The following HECW1 variants were observed in gnomAD, a reference collection of about 807,000 sequenced individuals.
The protein encoded by HECW1 is HECT, C2 and WW domain containing E3 ubiquitin protein ligase 1, also known as E3 ubiquitin-protein ligase HECW1.
HECW1 carries 61 observed loss-of-function variants against 182.3 expected under a neutral mutation model. The ratio of observed to expected loss-of-function variants is 0.33; its 90% CI spans 0.27 to 0.41. The LOEUF (loss-of-function observed/expected upper bound fraction) is 0.41, where lower values mean the gene tolerates loss of function less well. HECW1 is among the 10% of genes least tolerant of loss of function. HECW1 has a pLI of 1.00. For missense variants in HECW1, 1,739 were observed against 2,108.9 expected, an observed-to-expected ratio of 0.82 and a Z score of 3.44; for synonymous variants, 859 against 832.6, an observed-to-expected ratio of 1.03 and a Z score of -0.55.
chr7:43,209,642 T>C (rs1035178035), intron 2 of HECW1, among the ~76,000 whole-genome samples: 4 of 152,160 alleles, frequency 2.6e-5, no homozygotes, highest in African/African-American at 9.7e-5. Context: ...AGGCTACAAC[T>C]GGGTAAGATT....
rs138853859 is a variant in HECW1, at chr7:43,121,557, A to G, written c.-32+7166A>G. ...GATATGTAAACATATAGTGATATGT[A>G]AAATCACTATATTATACATATAGTG... On this transcript the variant is annotated intron_variant, in intron 2 of 29. Coordinates refer to ENST00000395891, the MANE Select transcript of HECW1 (RefSeq NM_015052.5). Among the ~76,000 whole-genome samples, 1,066 of 152,278 alleles carry G rather than the reference A, an allele frequency of 7.0e-3. 3 individuals carry two copies. Among genetic ancestry groups the G allele is most frequent in the Non-Finnish European group, 0.012 (811 of 68,012 alleles).
rs1199371532 is a variant in HECW1 at position 43,562,830 on chromosome 7, ATTACC to A, written c.*907_*911del. 1.4e-5 allele frequency: 3 copies of A among 217,360 alleles called. No homozygotes were observed. The highest frequency in any genetic ancestry group is 2.8e-5 in the Non-Finnish European group (3 of 108,176). The allele number at this position is 217,360 out of a possible 1,614,324, so 13.5% of individuals were successfully genotyped here. Reference sequence around the variant, plus strand: ...AACTGGAGAAAGGGAAGAAGGACATATTACCTTGGTTTGAATCCCTGAGTTCTGTA... The same window carrying A: ...AACTGGAGAAAGGGAAGAAGGACATATTGGTTTGAATCCCTGAGTTCTGTA... On this transcript the variant is annotated 3_prime_UTR_variant, in exon 30 of 30. Transcript: ENST00000395891.
At chr7:43,322,807 A>G (rs1810304891) in intron 5 of HECW1, among the ~76,000 whole-genome samples, 1 of 152,216 alleles carries the variant, frequency 6.6e-6, no homozygotes, top group African/African-American at 2.4e-5. Flanking sequence ...GTTTGGTAAG[A>G]GAGGTTTTTC....
intron 2 of HECW1, among the ~76,000 whole-genome samples, chr7:43,203,846 A>C (rs145740867): frequency 3.3e-5 from 5 of 152,170 alleles, no homozygotes; most frequent in African/African-American, 1.2e-4. Context: ...ATCCTTTTGC[A>C]GTTGTATACC....
chr7:43,261,869 A>T (rs1355810566), intron 3 of HECW1, among the ~76,000 whole-genome samples: 2 of 151,192 alleles, frequency 1.3e-5, no homozygotes, highest in Non-Finnish European at 2.9e-5. Flanking sequence ...TTTATTTTTT[A>T]TTTTTTTTAA....
chr7:43,259,146 G>A (rs1455387720), intron 3 of HECW1, among the ~76,000 whole-genome samples: 2 of 152,112 alleles, frequency 1.3e-5, no homozygotes, highest in South Asian at 2.1e-4. Context: ...CAGCACCTTG[G>A]GAGGCAGAGG....
intron 4 of HECW1, 59 bp from the exon 5 acceptor site, chr7:43,320,576 C>A: frequency 8.4e-7 from 1 of 1,189,364 alleles, no homozygotes; most frequent in Non-Finnish European, 1.3e-6. Context: ...TTTTATTCCC[C>A]TAAATATGCT....
chr7:43,366,236 A>G (rs920814761), intron 6 of HECW1, among the ~76,000 whole-genome samples: 4 of 152,348 alleles, frequency 2.6e-5, no homozygotes, highest in Middle Eastern at 3.4e-3. Context: ...AGGCAACTCA[A>G]TAGGACATTT....
chr7:43,465,452 CATCTT>C (rs1203368589), intron 14 of HECW1, among the ~76,000 whole-genome samples: 4 of 152,234 alleles, frequency 2.6e-5, no homozygotes, highest in African/African-American at 9.6e-5. Context: ...GGTGGCCTCT[CATCTT>C]GCAGCAGGCT....
At chr7:43,416,147 G>A (rs10251401) in intron 8 of HECW1, among the ~76,000 whole-genome samples, 28 of 149,048 alleles carry the variant, frequency 1.9e-4, no homozygotes, top group African/African-American at 6.0e-4. Flanking sequence ...GTTTTTTCCC[G>A]ATCTTTGTGG....
chr7:43,543,246 T>TAG (rs2081426566), intron 26 of HECW1, among the ~76,000 whole-genome samples: 1 of 152,156 alleles, frequency 6.6e-6, no homozygotes, highest in African/African-American at 2.4e-5. Flanking sequence ...CAGAATGCTT[T>TAG]AGAGGTGCCT....
At chr7:43,235,708 C>G (rs549714517) in intron 2 of HECW1, among the ~76,000 whole-genome samples, 12 of 152,108 alleles carry the variant, frequency 7.9e-5, no homozygotes, top group Non-Finnish European at 1.0e-4. Flanking sequence ...TCTTTATGTT[C>G]TGGAGGATGG....
intron 2 of HECW1, among the ~76,000 whole-genome samples, chr7:43,237,356 C>G (rs556150495): frequency 2.9e-4 from 44 of 152,262 alleles, no homozygotes; most frequent in African/African-American, 1.0e-3. Context: ...GCTGTAACAT[C>G]TTGTTGTGTG....
At chr7:43,388,080 C>G (rs1402460863) in intron 6 of HECW1, among the ~76,000 whole-genome samples, 1 of 152,206 alleles carries the variant, frequency 6.6e-6, no homozygotes, top group African/African-American at 2.4e-5. Context: ...TTGATTGCCT[C>G]ACCCTAACAC....
chr7:43,207,109 C>T (rs182934727), intron 2 of HECW1, among the ~76,000 whole-genome samples: 2 of 152,248 alleles, frequency 1.3e-5, no homozygotes, highest in East Asian at 1.9e-4. Flanking sequence ...TCCAGTGGTG[C>T]GATCTCAGCT....
chr7:43,290,365 A>G (rs994409877), intron 3 of HECW1, among the ~76,000 whole-genome samples: 2 of 152,174 alleles, frequency 1.3e-5, no homozygotes, highest in Admixed American at 6.5e-5. Flanking sequence ...ATGAGATTTT[A>G]TGGTTTGTAG....
At chr7:43,498,867 T>A (rs2079218929) in intron 19 of HECW1, among the ~76,000 whole-genome samples, 1 of 152,208 alleles carries the variant, frequency 6.6e-6, no homozygotes, top group South Asian at 2.1e-4. Flanking sequence ...AAGGTCAAAT[T>A]GACTATATTT....
Position 43,112,702 on chromosome 7 carries a change from C to T in HECW1, c.-502C>T, listed in dbSNP as rs1454240828. 1 of 230,772 alleles carries T rather than the reference C, an allele frequency of 4.3e-6. No individual in the cohort carries two copies. Among genetic ancestry groups the T allele is most frequent in the African/African-American group, 2.2e-5 (1 of 45,130 alleles). The allele number at this position is 230,772 out of a possible 1,614,324, so 14.3% of individuals were successfully genotyped here. A position where few individuals can be genotyped will look rare whatever the true frequency, so the allele number is the denominator to read the frequency against. ...CCGTGCGACTCTGACCGAACCGGCC[C>T]CCTCCTCGCGCACACACTCGCCGAG... On this transcript the variant is annotated 5_prime_UTR_variant, in exon 1 of 30. Coordinates refer to ENST00000395891, the MANE Select transcript of HECW1 (RefSeq NM_015052.5).
chr7:43,498,524 C>T (rs895825035), intron 19 of HECW1, among the ~76,000 whole-genome samples: 1 of 152,042 alleles, frequency 6.6e-6, no homozygotes, highest in Non-Finnish European at 1.5e-5. Flanking sequence ...GAGGTGGTGT[C>T]AGGATTTGGA....
Sources: gnomAD v4.1 joint callset for allele counts (sites outside exome capture counted in the v4.1 genomes callset) on GRCh38, gnomAD v4.1.1 for gene constraint, MANE v1.5 for transcripts, NCBI Gene and HGNC (gene_info 2026-07-23, HGNC 2026-07-21) for gene names.